Variants in ST8SIA5 observed in about 807,000 individuals in gnomAD.
ST8SIA5 encodes the protein ST8 alpha-N-acetyl-neuraminide alpha-2,8-sialyltransferase 5, also known as alpha-2,8-sialyltransferase 8E.
ST8SIA5 carries 24 observed loss-of-function variants against 40.2 expected under a neutral mutation model. The observed-to-expected ratio is 0.60, with a 90% CI of 0.43 to 0.84. The LOEUF (loss-of-function observed/expected upper bound fraction) is 0.84. Ranked by LOEUF, ST8SIA5 falls within the 40% of genes least tolerant of loss-of-function variation. The pLI, the probability that ST8SIA5 is intolerant of heterozygous loss-of-function variation, is 0.00. For missense variants in ST8SIA5, 465 were observed against 498.5 expected (o/e 0.93, Z 0.64); for synonymous variants, 198 against 201.8 (o/e 0.98, Z 0.16).
chr18:46,726,102 G>C (rs2039927009), intron 1 of ST8SIA5, among the ~76,000 whole-genome samples: 1 of 142,762 alleles, frequency 7.0e-6, no homozygotes, highest in South Asian at 2.2e-4. Flanking sequence ...GCTGAGGCAG[G>C]AGAATTGCTT....
chr18:46,695,059 T>C (rs1320250927), intron 2 of ST8SIA5, among the ~76,000 whole-genome samples: 5 of 150,550 alleles, frequency 3.3e-5, no homozygotes, highest in African/African-American at 1.2e-4. Context: ...GTTGGGAGGC[T>C]GAGGCAGGAG....
chr18:46,689,131 C>T, intron 3 of ST8SIA5: 5 of 483,926 alleles, frequency 1.0e-5, no homozygotes, highest in Non-Finnish European at 1.8e-5. Context: ...GCCTCTCCTG[C>T]CCACTCATTC....
intron 6 of ST8SIA5, among the ~76,000 whole-genome samples, chr18:46,681,340 G>C (rs1192102757): frequency 6.6e-6 from 1 of 151,972 alleles, no homozygotes; most frequent in Non-Finnish European, 1.5e-5. Context: ...GTCTCTTCCC[G>C]CCCCTTAAAT....
chr18:46,685,319 C>T (rs1212373557), intron 5 of ST8SIA5, among the ~76,000 whole-genome samples: 1 of 152,128 alleles, frequency 6.6e-6, no homozygotes, highest in Non-Finnish European at 1.5e-5. Flanking sequence ...CCAGAGATTT[C>T]GGTGTTGGAG....
intron 1 of ST8SIA5, among the ~76,000 whole-genome samples, chr18:46,709,884 C>A (rs1427189784): frequency 1.3e-5 from 2 of 152,076 alleles, no homozygotes; most frequent in East Asian, 1.9e-4. Flanking sequence ...CTAATAAATT[C>A]TTTTTTAAGT....
chr18:46,710,079 G>A (rs1490367476), intron 1 of ST8SIA5, among the ~76,000 whole-genome samples: 2 of 152,174 alleles, frequency 1.3e-5, no homozygotes, highest in Non-Finnish European at 1.5e-5. Context: ...GCACCATGTA[G>A]GGCATCTCAC....
intron 1 of ST8SIA5, among the ~76,000 whole-genome samples, chr18:46,717,471 G>A (rs1436488814): frequency 5.3e-5 from 8 of 152,146 alleles, no homozygotes; most frequent in Non-Finnish European, 1.0e-4. Context: ...GAGTAGCTGG[G>A]ATTACAGACA....
At position 46,739,633 on chromosome 18, in the gene ST8SIA5, A is replaced by G. The variant is rs147477199; in HGVS notation, c.131+16745T>C. ...TAGGCATGAGATTTTTGTTTGGGGA[A>G]CAGAGACATTCAAAGATTTCTATTT... is the stretch of plus-strand genomic sequence containing the variant. On this transcript the variant is annotated intron_variant, in intron 1 of 6. Transcript: ENST00000315087. Among the ~76,000 whole-genome samples the G allele has an allele frequency of 3.3e-5, 5 of 152,320 alleles. No individual in the cohort carries two copies. The East Asian group carries it at 7.7e-4, about 24-fold the overall frequency.
chr18:46,711,818 A>G (rs1328634577), intron 1 of ST8SIA5, among the ~76,000 whole-genome samples: 1 of 152,240 alleles, frequency 6.6e-6, no homozygotes, highest in Non-Finnish European at 1.5e-5. Context: ...TGGCTGGTCC[A>G]TGGCCCGGCT....
chr18:46,756,463 G>A lies in ST8SIA5; in HGVS notation c.46C>T (p.Arg16Ter), dbSNP rs2040248322. 1 of 1,613,112 alleles carries A rather than the reference G, an allele frequency of 6.2e-7. No individual in the cohort carries two copies. Reference sequence around the variant, plus strand: ...CAGATGAAGATGAAGAGCAAAGTTCGGCTCCCCAACAAATCCCGGTTGGCC... The same window carrying A: ...CAGATGAAGATGAAGAGCAAAGTTCAGCTCCCCAACAAATCCCGGTTGGCC... ...PSANRDLLGS[R>*]TLLFIFICAF... The change falls in exon 1 of 7, where the codon CGA (arginine) becomes TGA (stop). Residue 16 changes from arginine (R) to a stop codon, truncating the protein, a stop_gained. Coordinates refer to ENST00000315087, the MANE Select transcript of ST8SIA5 (RefSeq NM_013305.6). LOFTEE classifies it high-confidence loss of function.
At chr18:46,688,120 C>A (rs1456314656) in intron 4 of ST8SIA5, among the ~76,000 whole-genome samples, 2 of 152,326 alleles carry the variant, frequency 1.3e-5, no homozygotes, top group African/African-American at 2.4e-5. Flanking sequence ...TTCAGGTCTG[C>A]GGCTCATTCA....
intron 1 of ST8SIA5, among the ~76,000 whole-genome samples, chr18:46,709,918 C>T (rs1345348707): frequency 6.6e-6 from 1 of 152,182 alleles, no homozygotes; most frequent in Non-Finnish European, 1.5e-5. Context: ...CTAACTATCT[C>T]AAGCTTCCCC....
intron 1 of ST8SIA5, among the ~76,000 whole-genome samples, chr18:46,750,819 T>C (rs778433510): frequency 8.5e-5 from 13 of 152,158 alleles, no homozygotes; most frequent in Admixed American, 3.9e-4. Context: ...CCCAGACCCA[T>C]CATCATTTTC....
chr18:46,704,782 C>G (rs1475779725), intron 1 of ST8SIA5, 118 bp from the exon 2 acceptor site: 1 of 828,792 alleles, frequency 1.2e-6, no homozygotes, highest in Non-Finnish European at 2.0e-6. Context: ...GCCAACCAGC[C>G]CCATCCCAGC....
intron 1 of ST8SIA5, among the ~76,000 whole-genome samples, chr18:46,720,107 G>A (rs2039846743): frequency 6.6e-6 from 1 of 152,130 alleles, no homozygotes; most frequent in Non-Finnish European, 1.5e-5. Context: ...CCAAAGTGCT[G>A]GGATTACGGG....
chr18:46,717,576 T>A (rs1378497220), intron 1 of ST8SIA5, among the ~76,000 whole-genome samples: 2 of 152,122 alleles, frequency 1.3e-5, no homozygotes, highest in Admixed American at 1.3e-4. Context: ...CAACTGTCAG[T>A]CTTCCTTTTC....
intron 1 of ST8SIA5, among the ~76,000 whole-genome samples, chr18:46,742,542 T>G (rs2040097626): frequency 6.6e-6 from 1 of 152,212 alleles, no homozygotes; most frequent in Non-Finnish European, 1.5e-5. Context: ...ATAAGCGACT[T>G]ATACTTGAAA....
At chr18:46,703,375 C>T (rs2039637446) in intron 2 of ST8SIA5, among the ~76,000 whole-genome samples, 1 of 152,134 alleles carries the variant, frequency 6.6e-6, no homozygotes, top group African/African-American at 2.4e-5. Flanking sequence ...GTCTCGATCT[C>T]CTGACCTTGT....
intron 1 of ST8SIA5, among the ~76,000 whole-genome samples, chr18:46,730,569 A>G (rs1199904389): frequency 2.0e-5 from 3 of 152,206 alleles, no homozygotes; most frequent in Admixed American, 2.0e-4. Context: ...CAAAAAATAA[A>G]CAAAAGTAGG....
Sources: gnomAD v4.1 joint callset for allele counts (sites outside exome capture counted in the v4.1 genomes callset) on GRCh38, gnomAD v4.1.1 for gene constraint, MANE v1.5 for transcripts, NCBI Gene and HGNC (gene_info 2026-07-23, HGNC 2026-07-21) for gene names.